The following PLEKHF1 variants were observed in gnomAD, a reference collection of about 807,000 sequenced individuals.
PLEKHF1 encodes the protein pleckstrin homology domain-containing family F member 1.
In PLEKHF1, 1 loss-of-function variant was observed where a neutral mutation model predicts 4.1. The ratio of observed to expected loss-of-function variants is 0.24; its 90% CI spans 0.09 to 1.15. The LOEUF (loss-of-function observed/expected upper bound fraction) is 1.15. PLEKHF1 is among the 50% of genes most tolerant of loss of function. The pLI, the probability that PLEKHF1 is intolerant of heterozygous loss-of-function variation, is 0.52. For missense variants in PLEKHF1, 429 were observed against 400.6 expected (o/e 1.07, Z -0.60); for synonymous variants, 182 against 178.5 (o/e 1.02, Z -0.16).
At position 29,674,745 on chromosome 19, in the gene PLEKHF1, C is replaced by A; in HGVS notation, c.*66C>A. On this transcript the variant is annotated 3_prime_UTR_variant, in exon 2 of 2. Coordinates refer to ENST00000436066, the MANE Select transcript of PLEKHF1 (RefSeq NM_024310.5). The stretch of plus-strand genomic sequence containing the variant: ...TGCCCAGGCCCCCAAGAGGGCAGCT[C>A]CAGAAGCTGCCCAGGGCTCCGGGAC... 6.7e-7 allele frequency: 1 copy of A among 1,503,450 alleles called. No homozygotes were observed. Among genetic ancestry groups the A allele is most frequent in the African/African-American group, 1.4e-5 (1 of 71,442 alleles). 93.1% of individuals were successfully genotyped at this position (1,503,450 alleles called of 1,614,324 possible). A position where few individuals can be genotyped will look rare whatever the true frequency, so the allele number is the denominator to read the frequency against.
In PLEKHF1 at chr19:29,674,121, G is replaced by A. The variant is rs1415391702; in HGVS notation, c.282G>A (p.Leu94=). Residue 94 remains leucine (L), a synonymous_variant, in exon 2 of 2, where the codon CTG becomes CTA. Coordinates refer to ENST00000436066, the MANE Select transcript of PLEKHF1 (RefSeq NM_024310.5). ...EVTLELLPET[L]QAKNRWMIKT... Reference sequence around the variant, plus strand: ...CACTGGAGCTGTTGCCGGAGACGCTGCAGGCCAAGAACCGCTGGATGATCA... The same window carrying A: ...CACTGGAGCTGTTGCCGGAGACGCTACAGGCCAAGAACCGCTGGATGATCA... The A allele has an allele frequency of 4.3e-6, 7 of 1,613,790 alleles. No individual in the cohort carries two copies. The highest frequency in any genetic ancestry group is 1.3e-5 in the African/African-American group (1 of 74,942).
rs1211610514 is a variant in PLEKHF1, at chr19:29,671,857, C to T, written c.-16-1967C>T. Among the ~76,000 whole-genome samples the T allele has an allele frequency of 6.6e-6, 1 of 152,108 alleles. No individual in the cohort carries two copies. Among genetic ancestry groups the T allele is most frequent in the Non-Finnish European group, 1.5e-5 (1 of 68,034 alleles). ...AACACTATGGGTGTGATCAGCTCAGCCCCAGGCGTGCCGTGTGTACCGGAA... is the reference window on the plus strand; with the variant it reads ...AACACTATGGGTGTGATCAGCTCAGTCCCAGGCGTGCCGTGTGTACCGGAA... On this transcript the variant is annotated intron_variant, in intron 1 of 1. Transcript: ENST00000436066. This position sits in a 1 kb window ranked among gnomAD's most constrained non-coding sequence, Gnocchi z 4.0.
Position 29,674,193 on chromosome 19 carries a change from G to A in PLEKHF1, c.354G>A (p.Glu118=), listed in dbSNP as rs1169585546. Residue 118 remains glutamate (E), a synonymous_variant, in exon 2 of 2, where the codon GAG becomes GAA. Transcript: ENST00000436066. ...TGGTGTCGGCCGCCTCCGCTACGGA[G>A]CGCCAGGAATGGATTAGCCACATCG... The part of the protein sequence containing the change: ...SFVVSAASAT[E]RQEWISHIEE... 2 of 1,613,164 alleles carry A rather than the reference G, an allele frequency of 1.2e-6. No homozygotes were observed. Among genetic ancestry groups the A allele is most frequent in the Admixed American group, 1.7e-5 (1 of 60,024 alleles).
At position 29,674,919 on chromosome 19, in the gene PLEKHF1, A is replaced by C; in HGVS notation, c.*240A>C. On this transcript the variant is annotated 3_prime_UTR_variant, in exon 2 of 2. Coordinates refer to ENST00000436066, the MANE Select transcript of PLEKHF1 (RefSeq NM_024310.5). ...CAGAACACCCACAGGTCTTGGTAAC[A>C]AACGCCACCTTACACTCTGCAGGCT... 1.7e-6 allele frequency: 1 copy of C among 579,012 alleles called. No individual in the cohort carries two copies. The highest frequency in any genetic ancestry group is 3.0e-6 in the Non-Finnish European group (1 of 338,474). The allele number at this position is 579,012 out of a possible 1,614,324, so 35.9% of individuals were successfully genotyped here. A position where few individuals can be genotyped will look rare whatever the true frequency, so the allele number is the denominator to read the frequency against.
At chr19:29,665,920 T>C in intron 1 of PLEKHF1, 1 of 620,944 alleles carries the variant, frequency 1.6e-6, no homozygotes, top group South Asian at 5.8e-5. Flanking sequence ...GTCTGCAGTC[T>C]GGAGGCCTGG....
Position 29,665,496 on chromosome 19 carries a change from G to C in PLEKHF1, c.-26G>C. 8.5e-7 allele frequency: 1 copy of C among 1,170,196 alleles called. No homozygotes were observed. The highest frequency in any genetic ancestry group is 1.1e-6 in the Non-Finnish European group (1 of 910,056). The allele number at this position is 1,170,196 out of a possible 1,614,324, so 72.5% of individuals were successfully genotyped here. A position where few individuals can be genotyped will look rare whatever the true frequency, so the allele number is the denominator to read the frequency against. On this transcript the variant is annotated 5_prime_UTR_variant, in exon 1 of 2. Coordinates refer to ENST00000436066, the MANE Select transcript of PLEKHF1 (RefSeq NM_024310.5). ...GGACTCGAGGGCTGGGCGCGGGGCC[G>C]GCGCAGAAGGTGAGTCCCCCCACCG...
chr19:29,666,245 C>T (rs559859377), intron 1 of PLEKHF1, among the ~76,000 whole-genome samples: 1 of 152,258 alleles, frequency 6.6e-6, no homozygotes, highest in South Asian at 2.1e-4. Flanking sequence ...GGGAGCACTC[C>T]TTTGGAATTT....
chr19:29,673,874 G>A lies in PLEKHF1; in HGVS notation c.35G>A (p.Ser12Asn), dbSNP rs758176170. 1.2e-6 allele frequency: 2 copies of A among 1,608,040 alleles called. No homozygotes were observed. Among genetic ancestry groups the A allele is most frequent in the Non-Finnish European group, 1.7e-6 (2 of 1,175,846 alleles). The change falls in exon 2 of 2, where the codon AGC becomes AAC. Residue 12 changes from serine (S) to asparagine (N), a missense_variant. Transcript: ENST00000436066. ...VDHLANTEIN[S>N]QRIAAVESCF... ...CACTTGGCCAACACGGAGATCAACA[G>A]CCAGCGCATCGCGGCAGTGGAGAGC...
At chr19:29,670,362 T>C (rs1971616886) in intron 1 of PLEKHF1, among the ~76,000 whole-genome samples, 2 of 152,240 alleles carry the variant, frequency 1.3e-5, no homozygotes, top group African/African-American at 4.8e-5. Flanking sequence ...GTATATCTCA[T>C]ATAAGTTATT....
In PLEKHF1 at chr19:29,674,809, T is replaced by C; in HGVS notation, c.*130T>C. On this transcript the variant is annotated 3_prime_UTR_variant, in exon 2 of 2. Transcript: ENST00000436066. ...GGCAGGTGCAGCGGTGGGGAGTGGC[T>C]CTTTCTGGACTCCCAGTGCCTTTTT... The C allele has an allele frequency of 5.2e-6, 7 of 1,349,930 alleles. No homozygotes were observed. The highest frequency in any genetic ancestry group is 6.9e-6 in the Non-Finnish European group (7 of 1,010,912). 83.6% of individuals were successfully genotyped at this position (1,349,930 alleles called of 1,614,324 possible).
intron 1 of PLEKHF1, 177 bp downstream of exon 1, chr19:29,665,682 G>GCGCT: frequency 9.0e-7 from 1 of 1,111,416 alleles, no homozygotes; most frequent in Non-Finnish European, 1.1e-6. Context: ...CCTGGGAAGG[G>GCGCT]CGCTCCTGGG....
At chr19:29,670,915 C>T (rs1329208551) in intron 1 of PLEKHF1, among the ~76,000 whole-genome samples, 3 of 151,986 alleles carry the variant, frequency 2.0e-5, no homozygotes, top group African/African-American at 7.2e-5. Flanking sequence ...ACCTCATGAT[C>T]CCCCCTCCTC....
At position 29,665,515 on chromosome 19, in the gene PLEKHF1, C is replaced by T. The variant is rs975467844; in HGVS notation, c.-17+10C>T. 3.7e-5 allele frequency: 46 copies of T among 1,234,890 alleles called. No homozygotes were observed. Among genetic ancestry groups the T allele is most frequent in the Non-Finnish European group, 4.5e-5 (43 of 959,214 alleles). 76.5% of individuals were successfully genotyped at this position (1,234,890 alleles called of 1,614,324 possible). ...GGGGCCGGCGCAGAAGGTGAGTCCC[C>T]CCACCGTCCCCCGGCCGGGCTGCGG... On this transcript the variant is annotated intron_variant, in intron 1 of 1. Transcript: ENST00000436066.
intron 1 of PLEKHF1, among the ~76,000 whole-genome samples, chr19:29,670,348 G>T (rs1483314723): frequency 6.6e-6 from 1 of 152,210 alleles, no homozygotes; most frequent in Admixed American, 6.5e-5. Context: ...AATTTGATCA[G>T]TATGTATATC....
At chr19:29,666,904 G>C (rs941292088) in intron 1 of PLEKHF1, 6 of 152,270 alleles carry the variant, frequency 3.9e-5, no homozygotes, top group African/African-American at 1.2e-4. Flanking sequence ...GGCCTTCCAG[G>C]AATCACAGGG....
At chr19:29,665,659 G>A in intron 1 of PLEKHF1, 154 bp downstream of exon 1, 3 of 1,134,834 alleles carry the variant, frequency 2.6e-6, no homozygotes, top group Non-Finnish European at 3.3e-6. Context: ...GCTGACTCCA[G>A]CCCAAGAAGA....
chr19:29,665,715 G>A, intron 1 of PLEKHF1: 2 of 1,097,680 alleles, frequency 1.8e-6, no homozygotes, highest in Non-Finnish European at 2.2e-6. Context: ...TGAACCTGCA[G>A]GGAGCCTGGG....
At position 29,674,648 on chromosome 19, in the gene PLEKHF1, C is replaced by CG; in HGVS notation, c.814dup (p.Val272GlyfsTer107). The CG allele has an allele frequency of 1.9e-6, 3 of 1,608,886 alleles. No homozygotes were observed. The highest frequency in any genetic ancestry group is 1.7e-6 in the Non-Finnish European group (2 of 1,178,184). On this transcript the variant is annotated frameshift_variant, in exon 2 of 2. Coordinates refer to ENST00000436066, the MANE Select transcript of PLEKHF1 (RefSeq NM_024310.5). LOFTEE classifies it high-confidence loss of function. ...CCCAGCAGCGTGGAGTTCTACGCCTCGGGGGTGGCCTGGTCTGCCTTCCAC... is the reference window on the plus strand; with the variant it reads ...CCCAGCAGCGTGGAGTTCTACGCCTCGGGGGGTGGCCTGGTCTGCCTTCCAC...
At chr19:29,670,970 T>A (rs1371035004) in intron 1 of PLEKHF1, among the ~76,000 whole-genome samples, 1 of 152,176 alleles carries the variant, frequency 6.6e-6, no homozygotes, top group Non-Finnish European at 1.5e-5. Context: ...ATTTTTAACT[T>A]TTTAAGGAAC....
Sources: allele counts gnomAD v4.1 joint callset (sites outside exome capture counted in the v4.1 genomes callset), GRCh38; gene constraint gnomAD v4.1.1; non-coding constraint Gnocchi (gnomAD v3.1); transcripts MANE v1.5; gene names NCBI Gene and HGNC (gene_info 2026-07-23, HGNC 2026-07-21).